Variants in FAAP20 observed in about 807,000 individuals in gnomAD.
FAAP20 encodes Fanconi anemia core complex-associated protein 20.
FAAP20 carries 12 observed loss-of-function variants against 16.2 expected under a neutral mutation model. The ratio of observed to expected loss-of-function variants is 0.74; its 90% CI spans 0.48 to 1.20. FAAP20 has a LOEUF of 1.20. Among genes scored for constraint, FAAP20 ranks in the 50% most tolerant of loss-of-function variants. The pLI is 0.00. For missense variants in FAAP20, 288 were observed against 245.8 expected (o/e 1.17, Z -1.15); for synonymous variants, 141 against 110.7 (o/e 1.27, Z -1.72).
rs1236724414 is a variant in FAAP20, at chr1:2,194,048, C to G, written c.148G>C (p.Glu50Gln). 1.2e-6 allele frequency: 2 copies of G among 1,612,676 alleles called. No individual in the cohort carries two copies. The highest frequency in any genetic ancestry group is 3.3e-5 in the Admixed American group (2 of 60,014). Residue 50 changes from glutamate (E) to glutamine (Q), a missense_variant, in exon 2 of 4, where the codon GAG becomes CAG. By Grantham distance (29) the Glu-to-Gln change is conservative. Transcript: ENST00000378546. ...GGCACCTCGTGATCCAGGATCAGCT[C>G]CGGGCTCACCGTGCGCAGTAGCTCG... ...WAELLRTVSP[E>Q]LILDHEVPSL... is the part of the protein sequence containing the mutation.
chr1:2,196,285 G>A (rs914103479), upstream of FAAP20, among the ~76,000 whole-genome samples: 9 of 152,240 alleles, frequency 5.9e-5, no homozygotes, highest in Non-Finnish European at 1.0e-4. This position sits in a 1 kb window ranked among gnomAD's most constrained non-coding sequence, Gnocchi z 4.5. Flanking sequence ...GAAAAGGCCA[G>A]GCCCAGCAGC....
At chr1:2,203,272 T>C (rs918747187), upstream of FAAP20, among the ~76,000 whole-genome samples, 1 of 151,974 alleles carries the variant, frequency 6.6e-6, no homozygotes, top group Non-Finnish European at 1.5e-5. Flanking sequence ...GGCCAGAGAG[T>C]GGCCGCTGAG....
chr1:2,190,226 C>A (rs1015513127), intron 3 of FAAP20: 1 of 459,382 alleles, frequency 2.2e-6, no homozygotes, highest in Non-Finnish European at 4.4e-6. Context: ...GTGCAGCTCA[C>A]GTCAGAGAAT....
chr1:2,200,769 C>T (rs572992515), upstream of FAAP20: 61 of 999,072 alleles, frequency 6.1e-5, no homozygotes, highest in East Asian at 8.6e-4. Context: ...CCACCACACC[C>T]GGAGCTGAGG....
upstream of FAAP20, among the ~76,000 whole-genome samples, chr1:2,202,316 G>A (rs945618684): frequency 2.0e-5 from 3 of 152,182 alleles, no homozygotes; most frequent in African/African-American, 7.2e-5. Flanking sequence ...ACGAGCCCCA[G>A]CTAAGTGACA....
At position 2,193,514 on chromosome 1, in the gene FAAP20, C is replaced by T; in HGVS notation, c.470+125G>A. 4 of 1,432,480 alleles carry T rather than the reference C, an allele frequency of 2.8e-6. No homozygotes were observed. In the South Asian group the frequency reaches 4.0e-5, roughly 14 times the overall value. The allele number at this position is 1,432,480 out of a possible 1,614,324, so 88.7% of individuals were successfully genotyped here. The stretch of plus-strand genomic sequence containing the variant: ...ATGCCAGGCCACAGCACTGGGCCAC[C>T]TTTCCAGTGTGAAACAGGGCTTTAA... On this transcript the variant is annotated intron_variant, in intron 3 of 3. Transcript: ENST00000378546.
chr1:2,185,284 G>A (rs11553732), downstream of FAAP20: 615 of 717,920 alleles, frequency 8.6e-4, 1 homozygote, highest in African/African-American at 8.0e-3. Context: ...GCTGTCATGC[G>A]GTTTCCAAGG....
Position 2,193,531 on chromosome 1 carries a change from G to A in FAAP20, c.470+108C>T, listed in dbSNP as rs1461174212. The A allele has an allele frequency of 1.3e-5, 19 of 1,486,138 alleles. No homozygotes were observed. The Admixed American group carries it at 1.4e-4, about 11-fold the overall frequency. 92.1% of individuals were successfully genotyped at this position (1,486,138 alleles called of 1,614,324 possible). ...TGGGCCACCTTTCCAGTGTGAAACA[G>A]GGCTTTAAAAGCCAGCGCTGAGCTC... On this transcript the variant is annotated intron_variant, in intron 3 of 3. Coordinates refer to ENST00000378546, the MANE Select transcript of FAAP20 (RefSeq NM_182533.4).
upstream of FAAP20, chr1:2,198,646 T>G (rs1688920085): frequency 8.3e-7 from 1 of 1,203,916 alleles, no homozygotes; most frequent in Non-Finnish European, 1.1e-6. Context: ...ATGAGACCTG[T>G]GGCCGACAGG....
In FAAP20 at chr1:2,192,001, T is replaced by C. The variant is rs572097198; in HGVS notation, c.470+1638A>G. The C allele has an allele frequency of 6.7e-4, 660 of 985,478 alleles. 6 individuals are homozygous for C. The African/African-American group carries it at 0.011, about 16-fold the overall frequency. 61.0% of individuals were successfully genotyped at this position (985,478 alleles called of 1,614,324 possible). On this transcript the variant is annotated intron_variant, in intron 3 of 3. Transcript: ENST00000378546. The stretch of plus-strand genomic sequence containing the variant: ...TGGGTGACCCGGAGAACACCAAGGC[T>C]GTGAGAAATGGGAGGCCTCCTGGCA...
upstream of FAAP20, chr1:2,198,758 T>G (rs1274315470): frequency 8.5e-6 from 11 of 1,287,378 alleles, no homozygotes; most frequent in Non-Finnish European, 1.1e-5. Flanking sequence ...GCTCACCTGC[T>G]GGCAAGGACA....
upstream of FAAP20, among the ~76,000 whole-genome samples, chr1:2,197,648 G>C (rs1027533048): frequency 1.3e-5 from 2 of 152,256 alleles, no homozygotes; most frequent in Admixed American, 1.3e-4. Context: ...CTCTGGGCCT[G>C]GTGCTTTGGG....
At chr1:2,184,497 T>C, downstream of FAAP20, 1 of 938,108 alleles carries the variant, frequency 1.1e-6, no homozygotes, top group East Asian at 2.7e-5. Context: ...ACTGTTTCAT[T>C]TTGTGATTGA....
At chr1:2,185,562 A>G (rs1248903927), downstream of FAAP20, 1 of 711,314 alleles carries the variant, frequency 1.4e-6, no homozygotes, top group South Asian at 1.5e-5. Flanking sequence ...AACCCCGGTA[A>G]GTTCCTGTTG....
At chr1:2,199,257 G>T (rs1688946994), upstream of FAAP20, 1 of 1,123,540 alleles carries the variant, frequency 8.9e-7, no homozygotes, top group Non-Finnish European at 1.1e-6. The surrounding 1 kb of genome is among the most constrained non-coding windows in gnomAD (Gnocchi z 4.5). Context: ...GCAGTATCCG[G>T]TTCACACCCT....
chr1:2,209,434 C>T (rs1465388919), downstream of FAAP20, among the ~76,000 whole-genome samples: 1 of 152,236 alleles, frequency 6.6e-6, no homozygotes, highest in Non-Finnish European at 1.5e-5. Flanking sequence ...CTCTCTAGAA[C>T]AGGAACTCTC....
At chr1:2,199,689 C>T (rs749709481), upstream of FAAP20, 48 of 950,766 alleles carry the variant, frequency 5.0e-5, no homozygotes, top group Non-Finnish European at 5.8e-5. The surrounding 1 kb of genome is among the most constrained non-coding windows in gnomAD (Gnocchi z 4.5). Flanking sequence ...TGGCCTCGCT[C>T]GGAAGCAAGG....
chr1:2,188,256 T>G (rs1185471270), downstream of FAAP20, among the ~76,000 whole-genome samples: 2 of 152,334 alleles, frequency 1.3e-5, no homozygotes, highest in East Asian at 1.9e-4. Context: ...CCACTCACAC[T>G]GTGAGCCCAG....
At chr1:2,193,107 C>T (rs571837250) in intron 3 of FAAP20, 27 of 962,394 alleles carry the variant, frequency 2.8e-5, no homozygotes, top group Middle Eastern at 8.7e-4. Flanking sequence ...GGACCTGCTC[C>T]GGAGGCCAAG....
Sources: gnomAD v4.1 joint callset for allele counts (sites outside exome capture counted in the v4.1 genomes callset) on GRCh38, gnomAD v4.1.1 for gene constraint, Gnocchi (gnomAD v3.1) non-coding constraint, MANE v1.5 for transcripts, NCBI Gene and HGNC (gene_info 2026-07-23, HGNC 2026-07-21) for gene names.